The following INTS11 variants were observed in gnomAD, a reference collection of about 807,000 sequenced individuals.
INTS11 encodes integrator complex subunit 11.
INTS11 carries 77 observed loss-of-function variants against 78.6 expected under a neutral mutation model. That is an observed-to-expected ratio of 0.98 (90% confidence interval 0.81 to 1.18). INTS11 has a LOEUF of 1.18. Ranked by LOEUF, INTS11 falls within the 50% of genes most tolerant of loss-of-function variation. The pLI is 0.00. For missense variants in INTS11, 875 were observed against 825.9 expected, an observed-to-expected ratio of 1.06 and a Z score of -0.73; for synonymous variants, 441 against 326.9, an observed-to-expected ratio of 1.35 and a Z score of -3.77.
rs535451124 is a variant in INTS11 at position 1,313,551 on chromosome 1, G to C, written c.999C>G (p.Ser333=). ...ATPGMLHAGQ[S]LQIFRKWAGN... Reference sequence around the variant, plus strand: ...CGGCCCATTTCCGGAAGATCTGCAGGGACTGCCCAGCGTGCAGCATTCCTG... The same window carrying C: ...CGGCCCATTTCCGGAAGATCTGCAGCGACTGCCCAGCGTGCAGCATTCCTG... The change falls in exon 10 of 17, where the codon TCC becomes TCG. Residue 333 remains serine, a synonymous_variant. Coordinates refer to ENST00000435064, the MANE Select transcript of INTS11 (RefSeq NM_017871.6). 27 of 1,612,988 alleles carry C rather than the reference G, an allele frequency of 1.7e-5. No individual in the cohort carries two copies. Among genetic ancestry groups the C allele is most frequent in the East Asian group, 8.9e-5 (4 of 44,890 alleles).
chr1:1,315,309 CAGGCTGGCCACTCAA>C (rs1300835737), intron 6 of INTS11, 80 bp downstream of exon 6: 6 of 1,467,346 alleles, frequency 4.1e-6, no homozygotes, highest in Non-Finnish European at 4.7e-6. Context: ...GAGACACTGC[CAGGCTGGCCACTCAA>C]GGGCTGGCAC....
Position 1,319,455 on chromosome 1 carries a change from G to T in INTS11, c.270C>A (p.Ile90=). ...TGGCCTGGGTGGGGTGAGTCATGTA[G>T]ATGGGCCCGTCGTAGCCCACCATCT... ...FSEMVGYDGP[I]YMTHPTQAIC... Residue 90 remains isoleucine (I), a synonymous_variant, in exon 4 of 17, where the codon ATC becomes ATA. Coordinates refer to ENST00000435064, the MANE Select transcript of INTS11 (RefSeq NM_017871.6). 2 of 1,612,132 alleles carry T rather than the reference G, an allele frequency of 1.2e-6. No homozygotes were observed. The highest frequency in any genetic ancestry group is 1.7e-6 in the Non-Finnish European group (2 of 1,179,254).
chr1:1,319,868 T>C, intron 3 of INTS11: 2 of 287,418 alleles, frequency 7.0e-6, no homozygotes, highest in Admixed American at 4.8e-5. Context: ...GGCACAGACC[T>C]GAGGGCAAGG....
chr1:1,314,300 C>T lies in INTS11; in HGVS notation c.767+1G>A, dbSNP rs368306350. 9 of 1,596,902 alleles carry T rather than the reference C, an allele frequency of 5.6e-6. No homozygotes were observed. In the African/African-American group the frequency reaches 6.7e-5, roughly 12 times the overall value. On this transcript the variant is annotated splice_donor_variant, in intron 8 of 16. Coordinates refer to ENST00000435064, the MANE Select transcript of INTS11 (RefSeq NM_017871.6). LOFTEE classifies it high-confidence loss of function. This position sits in a 1 kb window ranked among gnomAD's most constrained non-coding sequence, Gnocchi z 4.2. ...TAAAGAGCCGTCCTGGCGGCACCTA[C>T]CAGAAGGTCTCCAGGAGGATGCAGA... is the stretch of plus-strand genomic sequence containing the variant.
chr1:1,312,478 G>A lies in INTS11; in HGVS notation c.1426C>T (p.Pro476Ser), dbSNP rs1396639686. Reference protein sequence around the residue: ...AQGLLPEAKKPRLLHGTLIMK... With the variant: ...AQGLLPEAKKSRLLHGTLIMK... ...ATCAGGGTGCCGTGCAGGAGCCGAG[G>A]CTTCTTGGCCTCAGGGAGCAGCCCT... The change falls in exon 14 of 17, where the codon CCT becomes TCT. Residue 476 changes from proline (P) to serine (S), a missense_variant. Coordinates refer to ENST00000435064, the MANE Select transcript of INTS11 (RefSeq NM_017871.6). 5 of 1,579,200 alleles carry A rather than the reference G, an allele frequency of 3.2e-6. No individual in the cohort carries two copies. The highest frequency in any genetic ancestry group is 2.3e-5 in the South Asian group (2 of 87,286).
At chr1:1,322,928 A>G (rs1271678806) in intron 1 of INTS11, 1 of 1,344,650 alleles carries the variant, frequency 7.4e-7, no homozygotes. Context: ...ACCCAGGTAC[A>G]GATTGCGGGT....
chr1:1,322,921 C>G, intron 1 of INTS11: 1 of 1,335,460 alleles, frequency 7.5e-7, no homozygotes, highest in Non-Finnish European at 9.6e-7. Context: ...AGAATATACC[C>G]AGGTACAGAT....
At chr1:1,312,202 G>GGGGGC (rs746289153) in intron 15 of INTS11, 24 bp downstream of exon 15, 5 of 1,208,054 alleles carry the variant, frequency 4.1e-6, no homozygotes, top group South Asian at 1.4e-5. Context: ...AGGGAGTGGG[G>GGGGGC]GGGGGGCGGG....
In INTS11 at chr1:1,313,581, G is replaced by A. The variant is rs1023561012; in HGVS notation, c.969C>T (p.Ala323=). The change falls in exon 10 of 17, where the codon GCC becomes GCT. Residue 323 remains alanine (A), a synonymous_variant. Coordinates refer to ENST00000435064, the MANE Select transcript of INTS11 (RefSeq NM_017871.6). ...ADNPGPMVVF[A]TPGMLHAGQS... ...GCCCAGCGTGCAGCATTCCTGGCGT[G>A]GCAAACACAACCTACAGGACACACA... The A allele has an allele frequency of 6.2e-7, 1 of 1,612,824 alleles. No individual in the cohort carries two copies. Among genetic ancestry groups the A allele is most frequent in the Non-Finnish European group, 8.5e-7 (1 of 1,180,022 alleles).
chr1:1,311,850 T>G lies in INTS11; in HGVS notation c.*9A>C. 1 of 1,543,116 alleles carries G rather than the reference T, an allele frequency of 6.5e-7. No homozygotes were observed. The highest frequency in any genetic ancestry group is 2.3e-5 in the East Asian group (1 of 44,200). On this transcript the variant is annotated 3_prime_UTR_variant, in exon 17 of 17. Transcript: ENST00000435064. ...AGGGCAGAGGTGGCGGCTGGGTGAG[T>G]TGCCGGCCTCAGCTGGGGGCCTGGG...
chr1:1,321,198 T>G (rs1642927309), intron 1 of INTS11, 105 bp from the exon 2 acceptor site: 6 of 847,672 alleles, frequency 7.1e-6, no homozygotes, highest in South Asian at 3.1e-5. Flanking sequence ...GGACCAAGTC[T>G]GCTGTGTGGA....
At position 1,311,931 on chromosome 1, in the gene INTS11, C is replaced by T; in HGVS notation, c.1738-7G>A. On this transcript the variant is annotated splice_region_variant and splice_polypyrimidine_tract_variant and intron_variant, in intron 16 of 16. Coordinates refer to ENST00000435064, the MANE Select transcript of INTS11 (RefSeq NM_017871.6). ...AGCTCCCCAGCTCCTCGTCCTAGGG[C>T]AGAGGCAAAAGCATTGTGGGTGGTG... 1 of 1,581,968 alleles carries T rather than the reference C, an allele frequency of 6.3e-7. No individual in the cohort carries two copies. The highest frequency in any genetic ancestry group is 1.1e-5 in the South Asian group (1 of 88,296).
intron 1 of INTS11, chr1:1,323,322 C>A: frequency 6.5e-7 from 1 of 1,530,150 alleles, no homozygotes; most frequent in Non-Finnish European, 8.8e-7. Flanking sequence ...GGATGACTGG[C>A]CACCAACACC....
Position 1,312,071 on chromosome 1 carries a change from C to CGGCG in INTS11, c.1680_1683dup (p.Ala562ArgfsTer5). On this transcript the variant is annotated frameshift_variant, in exon 16 of 17. Coordinates refer to ENST00000435064, the MANE Select transcript of INTS11 (RefSeq NM_017871.6). LOFTEE classifies it high-confidence loss of function. ...TTGGTGCCTGGGTCCTCAGAAGGGG[C>CGGCG]GGCGGCCTGGAGGAGGACGGACTCC... The CGGCG allele has an allele frequency of 6.4e-7, 1 of 1,572,672 alleles. No individual in the cohort carries two copies. The highest frequency in any genetic ancestry group is 8.6e-7 in the Non-Finnish European group (1 of 1,157,924).
rs773763242 is a variant in INTS11 at position 1,321,933 on chromosome 1, T to C, written c.29-840A>G. 8.8e-5 allele frequency: 118 copies of C among 1,333,660 alleles called. 1 individual carries two copies. The highest frequency in any genetic ancestry group is 8.7e-4 in the South Asian group (50 of 57,490). 82.6% of individuals were successfully genotyped at this position (1,333,660 alleles called of 1,614,324 possible). On this transcript the variant is annotated intron_variant, in intron 1 of 16. Transcript: ENST00000435064. ...CTCCCCCTGCCAGCCACTCGAAGTG[T>C]CCAAAGCCAGCACCACACATCAGGA...
At position 1,313,492 on chromosome 1, in the gene INTS11, C is replaced by G. The variant is rs755281612; in HGVS notation, c.1041+17G>C. On this transcript the variant is annotated intron_variant, in intron 10 of 16. Transcript: ENST00000435064. ...GGCCTCCAGCTTCCAGATTCCCACA[C>G]CTCACCATGCCCTCACCATGTTCTT... 8 of 1,612,762 alleles carry G rather than the reference C, an allele frequency of 5.0e-6. No individual in the cohort carries two copies. The highest frequency in any genetic ancestry group is 6.8e-6 in the Non-Finnish European group (8 of 1,179,794).
intron 5 of INTS11, 39 bp downstream of exon 5, chr1:1,315,481 C>T: frequency 6.2e-7 from 1 of 1,612,856 alleles, no homozygotes; most frequent in Admixed American, 1.7e-5. Flanking sequence ...TGCCTCCCAC[C>T]CCAGCAGCCC....
At chr1:1,312,398 A>C (rs1311614557) in intron 14 of INTS11, 30 bp from the exon 15 acceptor site, 1 of 1,565,640 alleles carries the variant, frequency 6.4e-7, no homozygotes, top group Admixed American at 1.9e-5. Context: ...CAGTGAGCGC[A>C]GCAGCGGCCC....
At chr1:1,321,261 C>G (rs935210206) in intron 1 of INTS11, among the ~76,000 whole-genome samples, 168 bp from the exon 2 acceptor site, 2 of 152,218 alleles carry the variant, frequency 1.3e-5, no homozygotes, top group Non-Finnish European at 2.9e-5. Context: ...AAGGGGGACA[C>G]AGGGGACCAT....
Sources: gnomAD v4.1 joint callset for allele counts (sites outside exome capture counted in the v4.1 genomes callset) on GRCh38, gnomAD v4.1.1 for gene constraint, Gnocchi (gnomAD v3.1) non-coding constraint, MANE v1.5 for transcripts, NCBI Gene and HGNC (gene_info 2026-07-23, HGNC 2026-07-21) for gene names.